Variants in MYRIP observed in about 807,000 individuals in gnomAD.
MYRIP encodes myosin VIIA and Rab interacting protein.
MYRIP carries 49 observed loss-of-function variants against 98.0 expected under a neutral mutation model. That is an observed-to-expected ratio of 0.50 (90% confidence interval 0.40 to 0.63). The LOEUF (loss-of-function observed/expected upper bound fraction) is 0.63. Ranked by LOEUF, MYRIP falls within the 30% of genes least tolerant of loss-of-function variation. MYRIP has a pLI of 0.00. For missense variants in MYRIP, 1,004 were observed against 1,058.2 expected, an observed-to-expected ratio of 0.95 and a Z score of 0.71; for synonymous variants, 404 against 409.5, an observed-to-expected ratio of 0.99 and a Z score of 0.16.
chr3:40,025,638 G>T (rs1179553714), intron 2 of MYRIP, among the ~76,000 whole-genome samples: 1 of 152,050 alleles, frequency 6.6e-6, no homozygotes, highest in Non-Finnish European at 1.5e-5. Context: ...AGTGTCGGCT[G>T]GTCTGAGAAA....
At position 40,140,877 on chromosome 3, in the gene MYRIP, C is replaced by T. The variant is rs142466767; in HGVS notation, c.333-10171C>T. Among the ~76,000 whole-genome samples, 16 of 152,034 alleles carry T rather than the reference C, an allele frequency of 1.1e-4. No homozygotes were observed. In the East Asian group the frequency reaches 2.7e-3, roughly 26 times the overall value. On this transcript the variant is annotated intron_variant, in intron 3 of 16. Coordinates refer to ENST00000302541, the MANE Select transcript of MYRIP (RefSeq NM_015460.4). ...ATGTCATGAAAAATGGAGATCCATC[C>T]CCTTAAGCATTTATCCTCAAAATTA...
intron 2 of MYRIP, among the ~76,000 whole-genome samples, chr3:39,978,558 C>T (rs2125755682): frequency 6.6e-6 from 1 of 152,290 alleles, no homozygotes; most frequent in South Asian, 2.1e-4. Flanking sequence ...ATGTTCCACC[C>T]AGGATTATAA....
intron 2 of MYRIP, among the ~76,000 whole-genome samples, chr3:39,993,597 C>T (rs894155227): frequency 6.6e-6 from 1 of 152,204 alleles, no homozygotes; most frequent in Admixed American, 6.5e-5. Context: ...ACCATGCCTT[C>T]TCTCTCCTCA....
intron 3 of MYRIP, among the ~76,000 whole-genome samples, chr3:40,084,915 A>C (rs1243653926): frequency 2.1e-5 from 3 of 142,188 alleles, no homozygotes; most frequent in Non-Finnish European, 4.6e-5. Context: ...TATGTGTTAC[A>C]TGTCGATAGA....
chr3:39,918,554 T>C (rs1372462895), intron 2 of MYRIP, among the ~76,000 whole-genome samples: 2 of 152,236 alleles, frequency 1.3e-5, no homozygotes, highest in African/African-American at 4.8e-5. Flanking sequence ...TCATTCTATG[T>C]GTAGGGGCTC....
At position 39,890,450 on chromosome 3, in the gene MYRIP, A is replaced by G. The variant is rs557361205; in HGVS notation, c.-30-10337A>G. Among the ~76,000 whole-genome samples the G allele has an allele frequency of 9.2e-5, 14 of 152,126 alleles. No homozygotes were observed. The East Asian group carries it at 2.7e-3, about 29-fold the overall frequency. Reference sequence around the variant, plus strand: ...ATTTGGTCACTCTTTCCAGTGTTCCAGTAAGTCTTATAATGAGAGATCTTC... The same window carrying G: ...ATTTGGTCACTCTTTCCAGTGTTCCGGTAAGTCTTATAATGAGAGATCTTC... On this transcript the variant is annotated intron_variant, in intron 1 of 16. Transcript: ENST00000302541.
intron 1 of MYRIP, among the ~76,000 whole-genome samples, chr3:39,826,202 A>G (rs1359506685): frequency 6.6e-6 from 1 of 150,898 alleles, no homozygotes; most frequent in Non-Finnish European, 1.5e-5. Context: ...TCTTTCTACT[A>G]ATTTTGAATT....
At chr3:39,854,708 A>G (rs888797941) in intron 1 of MYRIP, among the ~76,000 whole-genome samples, 5 of 152,140 alleles carry the variant, frequency 3.3e-5, no homozygotes, top group Non-Finnish European at 7.4e-5. Context: ...GGGGTGTTAC[A>G]GAATCTTCTT....
At chr3:40,148,871 G>C (rs1248101795) in intron 3 of MYRIP, among the ~76,000 whole-genome samples, 1 of 152,124 alleles carries the variant, frequency 6.6e-6, no homozygotes, top group Admixed American at 6.6e-5. Flanking sequence ...TCTGCCATTG[G>C]GTAGATAAAT....
chr3:39,926,434 C>T (rs1302460051), intron 2 of MYRIP, among the ~76,000 whole-genome samples: 1 of 151,996 alleles, frequency 6.6e-6, no homozygotes, highest in Non-Finnish European at 1.5e-5. Context: ...AATGGTGTTT[C>T]CCAGGTTTTC....
rs1288579541 is a variant in MYRIP, at chr3:39,874,356, G to A, written c.-30-26431G>A. ...TTTCCTTCTCCTGCCTAATTGCCTG[G>A]GCCAGAACTTCCAACACTATGTTGA... is the stretch of plus-strand genomic sequence containing the variant. On this transcript the variant is annotated intron_variant, in intron 1 of 16. Transcript: ENST00000302541. Among the ~76,000 whole-genome samples, 2 of 151,392 alleles carry A rather than the reference G, an allele frequency of 1.3e-5. 1 individual carries two copies. The highest frequency in any genetic ancestry group is 4.9e-5 in the African/African-American group (2 of 40,764).
chr3:40,215,696 G>A (rs181681674), intron 11 of MYRIP, among the ~76,000 whole-genome samples: 62 of 152,292 alleles, frequency 4.1e-4, no homozygotes, highest in African/African-American at 1.5e-3. Flanking sequence ...TTCATGTGAG[G>A]CTACAGCACC....
intron 6 of MYRIP, 67 bp from the exon 7 acceptor site, chr3:40,167,092 T>C (rs1482648103): frequency 1.3e-6 from 2 of 1,527,568 alleles, no homozygotes; most frequent in East Asian, 2.2e-5. Flanking sequence ...AGGACTCTCC[T>C]GGCAAAGTGA....
chr3:39,972,974 A>G (rs1227377631), intron 2 of MYRIP, among the ~76,000 whole-genome samples: 1 of 152,022 alleles, frequency 6.6e-6, no homozygotes, highest in East Asian at 1.9e-4. Context: ...CATGTGTAGT[A>G]AGACTAATTT....
At chr3:40,087,001 A>G (rs536711098) in intron 3 of MYRIP, among the ~76,000 whole-genome samples, 16 of 152,238 alleles carry the variant, frequency 1.1e-4, no homozygotes, top group East Asian at 3.9e-4. Context: ...TGGGGAATTC[A>G]TAATATGCCA....
At chr3:40,106,813 A>G (rs1949057445) in intron 3 of MYRIP, among the ~76,000 whole-genome samples, 1 of 152,090 alleles carries the variant, frequency 6.6e-6, no homozygotes, top group Non-Finnish European at 1.5e-5. Flanking sequence ...ATGTTATTTA[A>G]TGGGCTTTTC....
At chr3:40,218,797 T>G (rs1467893725) in intron 11 of MYRIP, among the ~76,000 whole-genome samples, 1 of 151,608 alleles carries the variant, frequency 6.6e-6, no homozygotes, top group Non-Finnish European at 1.5e-5. Flanking sequence ...ATGGGAAAAC[T>G]TCACACTTTT....
At chr3:40,173,763 T>A (rs891326509) in intron 8 of MYRIP, 3 of 152,112 alleles carry the variant, frequency 2.0e-5, no homozygotes, top group Admixed American at 2.0e-4. Flanking sequence ...CAAGCCAGAG[T>A]CTCATAGGAT....
chr3:39,964,919 C>T (rs1378096269), intron 2 of MYRIP, among the ~76,000 whole-genome samples: 1 of 152,044 alleles, frequency 6.6e-6, no homozygotes, highest in African/African-American at 2.4e-5. Context: ...CATTTTGATA[C>T]AGACATTTTC....
Sources: allele counts gnomAD v4.1 joint callset (sites outside exome capture counted in the v4.1 genomes callset), GRCh38; gene constraint gnomAD v4.1.1; transcripts MANE v1.5; gene names NCBI Gene and HGNC (gene_info 2026-07-23, HGNC 2026-07-21).